Variants in PCDHGB4 observed in about 807,000 individuals in gnomAD.
The protein encoded by PCDHGB4 is protocadherin gamma-B4.
Under a neutral mutation model 60.5 loss-of-function variants are expected in PCDHGB4, and 38 were observed. That is an observed-to-expected ratio of 0.63 (90% CI 0.48 to 0.82). PCDHGB4 has a LOEUF of 0.82. PCDHGB4 is among the 40% of genes least tolerant of loss of function. PCDHGB4 has a pLI of 0.00. For synonymous variants in PCDHGB4, 456 were observed against 509.7 expected, an observed-to-expected ratio of 0.89 and a Z score of 1.42; for missense variants, 1,109 against 1,209.6, an observed-to-expected ratio of 0.92 and a Z score of 1.23.
Position 141,403,041 on chromosome 5 carries a change from A to G in PCDHGB4, c.2397+12760A>G, listed in dbSNP as rs202099773. Reference sequence around the variant, plus strand: ...ATGCTATGGGAGGCCAGGGCCAGTCAGATTCGCTACTCAGTGCCTGAAGAG... The same window carrying G: ...ATGCTATGGGAGGCCAGGGCCAGTCGGATTCGCTACTCAGTGCCTGAAGAG... On this transcript the variant is annotated intron_variant, in intron 1 of 3. Transcript: ENST00000519479. 7.2e-5 allele frequency: 116 copies of G among 1,613,966 alleles called. No homozygotes were observed. Among genetic ancestry groups the G allele is most frequent in the Non-Finnish European group, 9.6e-5 (113 of 1,179,918 alleles).
chr5:141,403,612 GC>G, intron 1 of PCDHGB4: 1 of 1,613,854 alleles, frequency 6.2e-7, no homozygotes, highest in Non-Finnish European at 8.5e-7. Flanking sequence ...GCGGCGAGCC[GC>G]GTCGCTCCAG....
chr5:141,431,092 G>A lies in PCDHGB4; in HGVS notation c.2397+40811G>A. On this transcript the variant is annotated intron_variant, in intron 1 of 3. Coordinates refer to ENST00000519479, the MANE Select transcript of PCDHGB4 (RefSeq NM_003736.4). This position sits in a 1 kb window ranked among gnomAD's most constrained non-coding sequence, Gnocchi z 4.8. ...AATTAAATCTAGACATTCTGATGGAGGATAAAGTGAAAATATATGGAGTAG... is the reference window on the plus strand; with the variant it reads ...AATTAAATCTAGACATTCTGATGGAAGATAAAGTGAAAATATATGGAGTAG... 1 of 1,614,252 alleles carries A rather than the reference G, an allele frequency of 6.2e-7. No individual in the cohort carries two copies. The highest frequency in any genetic ancestry group is 1.1e-5 in the South Asian group (1 of 91,090).
At chr5:141,410,847 G>GTATTT in intron 1 of PCDHGB4, 1 of 158,252 alleles carries the variant, frequency 6.3e-6, no homozygotes. Flanking sequence ...TTTTGTCTTT[G>GTATTT]TCTTTTTTTT....
chr5:141,491,114 C>T lies in PCDHGB4; in HGVS notation c.2398-3693C>T, dbSNP rs1240431232. 1 of 1,614,104 alleles carries T rather than the reference C, an allele frequency of 6.2e-7. No homozygotes were observed. Among genetic ancestry groups the T allele is most frequent in the Admixed American group, 1.7e-5 (1 of 60,012 alleles). ...GGACTGTTCCTCGTGTCTACACACA[C>T]TGGTGAGGTGCGCACAGCCCGGGCC... On this transcript the variant is annotated intron_variant, in intron 1 of 3. Transcript: ENST00000519479. The surrounding 1 kb of genome is among the most constrained non-coding windows in gnomAD (Gnocchi z 6.9).
chr5:141,506,577 A>G (rs2099855057), intron 3 of PCDHGB4, among the ~76,000 whole-genome samples: 1 of 152,162 alleles, frequency 6.6e-6, no homozygotes, highest in South Asian at 2.1e-4. Flanking sequence ...TTCACTTACT[A>G]TTAATGGGCA....
chr5:141,494,676 C>G, intron 1 of PCDHGB4, 131 bp from the exon 2 acceptor site: 1 of 1,550,918 alleles, frequency 6.4e-7, no homozygotes, highest in African/African-American at 1.4e-5. Context: ...GAGTCCACCC[C>G]TGCCCCCTCT....
chr5:141,409,038 A>G (rs571756448), intron 1 of PCDHGB4: 9 of 1,614,026 alleles, frequency 5.6e-6, no homozygotes, highest in Non-Finnish European at 7.6e-6. Flanking sequence ...GAGATAAACT[A>G]CTACTTCCGA....
Position 141,389,498 on chromosome 5 carries a change from A to T in PCDHGB4, c.1614A>T (p.Pro538=), listed in dbSNP as rs376900362. 3.7e-6 allele frequency: 6 copies of T among 1,612,928 alleles called. No individual in the cohort carries two copies. The highest frequency in any genetic ancestry group is 1.3e-5 in the African/African-American group (1 of 74,944). Residue 538 remains proline (P), a synonymous_variant, in exon 1 of 4, where the codon CCA becomes CCT. Coordinates refer to ENST00000519479, the MANE Select transcript of PCDHGB4 (RefSeq NM_003736.4). ...TGCAGGCCCGCGACCAGGGCTCGCC[A>T]GCGCTCAGCGCGAACGTGAGCCTGC... The part of the protein sequence containing the change: ...LTLQARDQGS[P]ALSANVSLRV...
Position 141,427,760 on chromosome 5 carries a change from T to C in PCDHGB4, c.2397+37479T>C, listed in dbSNP as rs1464459008. On this transcript the variant is annotated intron_variant, in intron 1 of 3. Coordinates refer to ENST00000519479, the MANE Select transcript of PCDHGB4 (RefSeq NM_003736.4). The stretch of plus-strand genomic sequence containing the variant: ...AAGTCTCCTACTCCATCGTTACCAC[T>C]GACTTGGAGCTGCGGGCACTGTCGT... The C allele has an allele frequency of 4.4e-6, 6 of 1,360,822 alleles. No individual in the cohort carries two copies. The Admixed American group carries it at 5.1e-5, about 12-fold the overall frequency. 84.3% of individuals were successfully genotyped at this position (1,360,822 alleles called of 1,614,324 possible).
intron 1 of PCDHGB4, among the ~76,000 whole-genome samples, chr5:141,468,791 G>A (rs941787269): frequency 2.6e-5 from 4 of 151,954 alleles, no homozygotes; most frequent in East Asian, 3.9e-4. Context: ...GCGTGAACCC[G>A]GGAGGCGGAA....
Position 141,476,962 on chromosome 5 carries a change from C to T in PCDHGB4, c.2398-17845C>T. The stretch of plus-strand genomic sequence containing the variant: ...GCCCCAACGGTGAAATTATTTACTC[C>T]TTCGGCAGCCACAACCGCGCCGGCG... On this transcript the variant is annotated intron_variant, in intron 1 of 3. Coordinates refer to ENST00000519479, the MANE Select transcript of PCDHGB4 (RefSeq NM_003736.4). The surrounding 1 kb of genome is among the most constrained non-coding windows in gnomAD (Gnocchi z 7.6). 6.2e-7 allele frequency: 1 copy of T among 1,614,200 alleles called. No homozygotes were observed. Among genetic ancestry groups the T allele is most frequent in the South Asian group, 1.1e-5 (1 of 91,090 alleles).
chr5:141,430,629 C>A, intron 1 of PCDHGB4: 1 of 812,246 alleles, frequency 1.2e-6, no homozygotes. Context: ...AGGAATGAAC[C>A]ATCCCTGGGA....
chr5:141,453,546 C>T lies in PCDHGB4; in HGVS notation c.2398-41261C>T, dbSNP rs116481133. Among the ~76,000 whole-genome samples, 695 of 152,296 alleles carry T rather than the reference C, an allele frequency of 4.6e-3. 4 individuals are homozygous for T. Among genetic ancestry groups the T allele is most frequent in the African/African-American group, 0.015 (634 of 41,558 alleles). On this transcript the variant is annotated intron_variant, in intron 1 of 3. Transcript: ENST00000519479. ...TACCTTCTGCCTCATTCACACCACA[C>T]TCTGTAGATAATCGATTTCATTAGT...
intron 1 of PCDHGB4, chr5:141,415,608 T>C (rs1391331847): frequency 6.2e-7 from 1 of 1,613,366 alleles, no homozygotes; most frequent in Non-Finnish European, 8.5e-7. Flanking sequence ...CCCCATTGGT[T>C]CCAGTGAGTT....
intron 1 of PCDHGB4, among the ~76,000 whole-genome samples, chr5:141,449,680 T>C (rs2098651613): frequency 6.6e-6 from 1 of 151,546 alleles, no homozygotes; most frequent in Admixed American, 6.6e-5. Flanking sequence ...TATGTATATA[T>C]GTTTGTGTGT....
intron 1 of PCDHGB4, chr5:141,398,010 G>T (rs10045443): frequency 0.24 from 331,899 of 1,407,782 alleles, 42,930 homozygotes; most frequent in African/African-American, 0.51. Flanking sequence ...AAAAAGAATC[G>T]TTTCCTAAAC....
intron 1 of PCDHGB4, chr5:141,426,581 C>A: frequency 2.8e-6 from 1 of 358,468 alleles, no homozygotes. Context: ...TCTTCAAAAT[C>A]CTCTGTGTCA....
intron 1 of PCDHGB4, among the ~76,000 whole-genome samples, chr5:141,453,643 T>G (rs1267570786): frequency 2.6e-5 from 4 of 152,240 alleles, no homozygotes; most frequent in Non-Finnish European, 5.9e-5. Flanking sequence ...TATATTTTCT[T>G]ATGTCCTCTT....
chr5:141,394,115 T>A, intron 1 of PCDHGB4: 1 of 1,613,954 alleles, frequency 6.2e-7, no homozygotes, highest in Non-Finnish European at 8.5e-7. Context: ...CTCTGTCCAC[T>A]GAAACTCAAA....
Sources: allele counts gnomAD v4.1 joint callset (sites outside exome capture counted in the v4.1 genomes callset), GRCh38; gene constraint gnomAD v4.1.1; non-coding constraint Gnocchi (gnomAD v3.1); transcripts MANE v1.5; gene names NCBI Gene and HGNC (gene_info 2026-07-23, HGNC 2026-07-21).